PABPC4L: variants seen among roughly 807,000 people sequenced by gnomAD.
PABPC4L encodes polyadenylate-binding protein 4-like.
For synonymous variants in PABPC4L, 169 were observed against 164.1 expected (o/e 1.03, Z -0.23); for missense variants, 452 against 451.4 (o/e 1.00, Z -0.01).
chr4:134,111,918 A>AT, the PABPC4L span, among the ~76,000 whole-genome samples: 90 of 152,090 alleles, frequency 5.9e-4, no homozygotes, highest in Non-Finnish European at 1.1e-3. Flanking sequence ...TATTACCCAA[A>AT]TTTTTATAGA....
At chr4:134,057,173 C>T in the PABPC4L span, among the ~76,000 whole-genome samples, 1 of 151,990 alleles carries the variant, frequency 6.6e-6, no homozygotes, top group African/African-American at 2.4e-5. Flanking sequence ...ACATCTTTCT[C>T]CTCTCCCTCT....
At chr4:134,138,667 T>A in the PABPC4L span, among the ~76,000 whole-genome samples, 1 of 145,072 alleles carries the variant, frequency 6.9e-6, no homozygotes, top group African/African-American at 2.8e-5. Flanking sequence ...CTAATTTTAA[T>A]TTTTTTTGAA....
At chr4:133,993,340 G>A in the PABPC4L span, among the ~76,000 whole-genome samples, 512 of 152,238 alleles carry the variant, frequency 3.4e-3, 3 homozygotes, top group Non-Finnish European at 4.2e-3. Context: ...TGTTCCACAT[G>A]TGACAAAATT....
At chr4:134,120,963 TA>T in the PABPC4L span, among the ~76,000 whole-genome samples, 76 of 151,538 alleles carry the variant, frequency 5.0e-4, no homozygotes, top group African/African-American at 1.8e-3. Flanking sequence ...TTCACATTTC[TA>T]AATGTGTCTC....
chr4:133,957,195 G>T, the PABPC4L span, among the ~76,000 whole-genome samples: 3 of 152,168 alleles, frequency 2.0e-5, no homozygotes, highest in Non-Finnish European at 4.4e-5. Flanking sequence ...CAAAAGCGAG[G>T]TAATTACTTC....
At chr4:134,107,095 A>G in the PABPC4L span, among the ~76,000 whole-genome samples, 10 of 151,354 alleles carry the variant, frequency 6.6e-5, no homozygotes, top group African/African-American at 2.2e-4. Context: ...ATACTGTACC[A>G]TTTTTGAGCT....
the PABPC4L span, among the ~76,000 whole-genome samples, chr4:134,091,578 T>C: frequency 1.3e-5 from 2 of 151,940 alleles, no homozygotes; most frequent in Non-Finnish European, 2.9e-5. Flanking sequence ...GAATTTAATG[T>C]AAATTCCTCT....
chr4:134,070,760 T>C, the PABPC4L span, among the ~76,000 whole-genome samples: 2,525 of 152,138 alleles, frequency 0.017, 48 homozygotes, highest in Non-Finnish European at 0.024. Context: ...AGAGCTACCA[T>C]GAGGGCCCCA....
chr4:133,957,916 G>C, the PABPC4L span, among the ~76,000 whole-genome samples: 1 of 152,292 alleles, frequency 6.6e-6, no homozygotes, highest in East Asian at 1.9e-4. Flanking sequence ...GCAGAGCAGG[G>C]GGCCCTGTGC....
At chr4:134,091,198 AGT>A in the PABPC4L span, among the ~76,000 whole-genome samples, 1 of 152,158 alleles carries the variant, frequency 6.6e-6, no homozygotes, top group African/African-American at 2.4e-5. Flanking sequence ...GTTTTTAAAA[AGT>A]GTTTCCTCAT....
At chr4:134,033,789 C>A in the PABPC4L span, among the ~76,000 whole-genome samples, 1 of 151,766 alleles carries the variant, frequency 6.6e-6, no homozygotes, top group Non-Finnish European at 1.5e-5. Context: ...GAGGTTGGTT[C>A]ATGAGATTCA....
the PABPC4L span, among the ~76,000 whole-genome samples, chr4:134,066,288 A>T: frequency 6.6e-6 from 1 of 151,778 alleles, no homozygotes; most frequent in Non-Finnish European, 1.5e-5. Context: ...ATTCCTAGAC[A>T]TTTTTCTTTT....
the PABPC4L span, among the ~76,000 whole-genome samples, chr4:134,055,377 T>A: frequency 6.6e-6 from 1 of 152,016 alleles, no homozygotes; most frequent in East Asian, 1.9e-4. Context: ...GAGAGCTCTC[T>A]CTGTCCCTGA....
the PABPC4L span, among the ~76,000 whole-genome samples, chr4:134,040,718 T>A: frequency 6.6e-6 from 1 of 152,008 alleles, no homozygotes; most frequent in Non-Finnish European, 1.5e-5. Flanking sequence ...AAGCCAAAAT[T>A]GACAAATGGG....
the PABPC4L span, among the ~76,000 whole-genome samples, chr4:133,966,162 A>T: frequency 6.6e-6 from 1 of 152,266 alleles, no homozygotes; most frequent in Admixed American, 6.5e-5. Context: ...ACATGAATAG[A>T]TATTCTCAAA....
the PABPC4L span, among the ~76,000 whole-genome samples, chr4:134,055,198 A>G: frequency 6.6e-6 from 1 of 152,030 alleles, no homozygotes; most frequent in East Asian, 1.9e-4. Context: ...ATTTGGAGAT[A>G]AATATGACTT....
At chr4:134,164,081 G>A in the PABPC4L span, among the ~76,000 whole-genome samples, 108 of 151,024 alleles carry the variant, frequency 7.2e-4, 2 homozygotes, top group East Asian at 0.019. Flanking sequence ...GGCTAAAATG[G>A]TGAAACCCCG....
the PABPC4L span, among the ~76,000 whole-genome samples, chr4:134,005,605 T>G: frequency 1.3e-5 from 2 of 151,894 alleles, no homozygotes; most frequent in Admixed American, 6.6e-5. Flanking sequence ...ATTAATTCAT[T>G]CATTCACTCA....
the PABPC4L span, among the ~76,000 whole-genome samples, chr4:134,183,939 TA>T: frequency 0.022 from 3,395 of 151,802 alleles, 123 homozygotes; most frequent in African/African-American, 0.077. Context: ...TGTGTGTGTG[TA>T]GAACTTAACA....
Sources: gnomAD v4.1 joint callset for allele counts (sites outside exome capture counted in the v4.1 genomes callset) on GRCh38, gnomAD v4.1.1 for gene constraint, MANE v1.5 for transcripts, NCBI Gene and HGNC (gene_info 2026-07-23, HGNC 2026-07-21) for gene names.